The following ZFX variants were observed in gnomAD, a reference collection of about 807,000 sequenced individuals.
The protein encoded by ZFX is zinc finger X-chromosomal protein.
For missense variants in ZFX, 362 were observed against 628.3 expected (o/e 0.58, Z 4.53); for synonymous variants, 196 against 226.8 (o/e 0.86, Z 1.22).
At chrX:24,190,136 T>C (rs773862295) in intron 5 of ZFX, among the ~76,000 whole-genome samples, 1 of 111,748 alleles carries the variant, frequency 8.9e-6, no homozygotes, top group Non-Finnish European at 1.9e-5. Context: ...GTACACAACA[T>C]GATGTTTTGA....
At chrX:24,198,661 T>C (rs776895708) in intron 5 of ZFX, among the ~76,000 whole-genome samples, 1 of 111,254 alleles carries the variant, frequency 9.0e-6, no homozygotes, top group Non-Finnish European at 1.9e-5. Context: ...TTTCTTTCCC[T>C]TATAGACATT....
intron 5 of ZFX, among the ~76,000 whole-genome samples, chrX:24,181,195 T>C (rs970561390): frequency 7.1e-5 from 8 of 112,771 alleles, no homozygotes; most frequent in Admixed American, 1.9e-4. Flanking sequence ...TCTTGAGATT[T>C]TGAAAATCAA....
At position 24,179,769 on chromosome X, in the gene ZFX, C is replaced by G. The variant is rs1332117243; in HGVS notation, c.645C>G (p.Ser215=). The change falls in exon 5 of 10, where the codon TCC becomes TCG. Residue 215 remains serine, a splice_region_variant and synonymous_variant. Transcript: ENST00000304543. ...ACTGTGAGGACTACCTTATGATTTC[C>G]TGTAAGTCTTGGGGTACAGTGATTG... ...KGNCEDYLMI[S]LDDAGKIEHD... 2.5e-6 allele frequency: 3 copies of G among 1,199,517 alleles called. No homozygotes were observed. The South Asian group carries it at 5.4e-5, about 21-fold the overall frequency.
At chrX:24,189,907 C>A (rs1030851042) in intron 5 of ZFX, among the ~76,000 whole-genome samples, 3 of 111,314 alleles carry the variant, frequency 2.7e-5, no homozygotes, top group Non-Finnish European at 3.8e-5. Flanking sequence ...TATGTATGTA[C>A]CCTACCAATT....
At chrX:24,156,561 C>T (rs1932796539) in intron 3 of ZFX, among the ~76,000 whole-genome samples, 1 of 110,903 alleles carries the variant, frequency 9.0e-6, no homozygotes, top group African/African-American at 3.3e-5. Context: ...TGAGATATAT[C>T]ATATTCCCAC....
chrX:24,174,106 G>A (rs1484194715), intron 4 of ZFX, among the ~76,000 whole-genome samples: 4 of 110,138 alleles, frequency 3.6e-5, no homozygotes, highest in African/African-American at 6.6e-5. Flanking sequence ...CCAGCTACTC[G>A]GGAGGCTGAG....
rs774457469 is a variant in ZFX at position 24,206,500 on chromosome X, CGTGTGTGTGTGTGTGTGTGTGTGTGT to C, written c.647-801_647-776del. Among the ~76,000 whole-genome samples the C allele has an allele frequency of 3.2e-4, 19 of 59,598 alleles. No homozygotes were observed. The East Asian group carries it at 5.0e-3, about 16-fold the overall frequency. 51.8% of individuals were successfully genotyped at this position (59,598 alleles called of 115,157 possible). ...TACAGGCGCATGCCACCATGCCTGG[CGTGTGTGTGTGTGTGTGTGTGTGTGT>C]GTGTGTGTGTGTGTGTGTGTGTGTA... On this transcript the variant is annotated intron_variant, in intron 5 of 9. Transcript: ENST00000304543.
chrX:24,150,391 G>A (rs1178989163), intron 1 of ZFX: 2 of 111,830 alleles, frequency 1.8e-5, no homozygotes, highest in African/African-American at 6.5e-5. Context: ...GGCGGCGTGT[G>A]CGCGCGGAGG....
chrX:24,178,831 T>A (rs1935416555), intron 4 of ZFX, among the ~76,000 whole-genome samples: 1 of 111,877 alleles, frequency 8.9e-6, no homozygotes, highest in Non-Finnish European at 1.9e-5. Context: ...CTGCCCACCT[T>A]GGCTTCCCAA....
intron 4 of ZFX, among the ~76,000 whole-genome samples, chrX:24,178,312 G>A (rs1601873088): frequency 1.1e-5 from 1 of 92,023 alleles, no homozygotes; most frequent in Non-Finnish European, 2.2e-5. Context: ...TTTTTGAGAC[G>A]GAGTCTCACT....
In ZFX at chrX:24,197,125, G is replaced by T. The variant is rs768738408; in HGVS notation, c.647-10201G>T. On this transcript the variant is annotated intron_variant, in intron 5 of 9. Coordinates refer to ENST00000304543, the MANE Select transcript of ZFX (RefSeq NM_003410.4). Reference sequence around the variant, plus strand: ...TCATCAAAGAAAGTTCTGTTGGTTAGCACTGATCTGCAGGCTCAGTGAAAT... The same window carrying T: ...TCATCAAAGAAAGTTCTGTTGGTTATCACTGATCTGCAGGCTCAGTGAAAT... 5.4e-5 allele frequency among the ~76,000 whole-genome samples: 6 copies of T among 112,095 alleles called. No homozygotes were observed. The East Asian group carries it at 1.7e-3, about 31-fold the overall frequency.
At chrX:24,208,866 C>A (rs763841856) in intron 8 of ZFX, 34 bp from the exon 9 acceptor site, 1 of 1,154,065 alleles carries the variant, frequency 8.7e-7, no homozygotes, top group Admixed American at 2.3e-5. Flanking sequence ...ATTTATAATA[C>A]TGTATAATTT....
chrX:24,170,395 G>A (rs1273127459), intron 3 of ZFX, among the ~76,000 whole-genome samples: 2 of 109,318 alleles, frequency 1.8e-5, no homozygotes, highest in Non-Finnish European at 3.8e-5. Flanking sequence ...GACCTCAGGT[G>A]ATCCACCCGT....
intron 3 of ZFX, among the ~76,000 whole-genome samples, chrX:24,154,901 C>T (rs1932639380): frequency 9.0e-6 from 1 of 111,166 alleles, no homozygotes; most frequent in African/African-American, 3.3e-5. Context: ...AACCAAATAC[C>T]GAATATTCTC....
At chrX:24,176,886 A>G (rs1052000459) in intron 4 of ZFX, among the ~76,000 whole-genome samples, 7 of 111,827 alleles carry the variant, frequency 6.3e-5, no homozygotes, top group Non-Finnish European at 1.3e-4. Context: ...AAGACTTATA[A>G]AACTTTCTTT....
intron 5 of ZFX, among the ~76,000 whole-genome samples, chrX:24,199,339 C>T (rs964984794): frequency 8.2e-5 from 9 of 109,476 alleles, no homozygotes; most frequent in African/African-American, 2.7e-4. Flanking sequence ...ACTGCAGCCT[C>T]GACCTCCCAG....
chrX:24,179,783 G>C lies in ZFX; in HGVS notation c.646+13G>C. 1 of 1,175,314 alleles carries C rather than the reference G, an allele frequency of 8.5e-7. No individual in the cohort carries two copies. The highest frequency in any genetic ancestry group is 1.1e-6 in the Non-Finnish European group (1 of 876,830). On this transcript the variant is annotated intron_variant, in intron 5 of 9. Transcript: ENST00000304543. ...CTTATGATTTCCTGTAAGTCTTGGG[G>C]TACAGTGATTGTCAAAGGTGTTTTT...
At chrX:24,200,815 C>T (rs1434421839) in intron 5 of ZFX, among the ~76,000 whole-genome samples, 1 of 111,968 alleles carries the variant, frequency 8.9e-6, no homozygotes, top group East Asian at 2.8e-4. Flanking sequence ...AATCACATGC[C>T]ATTTCAGAGC....
chrX:24,176,727 CA>C, intron 4 of ZFX, among the ~76,000 whole-genome samples: 1 of 110,778 alleles, frequency 9.0e-6, no homozygotes, highest in Middle Eastern at 4.6e-3. Context: ...GCCACCACGC[CA>C]GACCTGATCA....
Sources: allele counts gnomAD v4.1 joint callset (sites outside exome capture counted in the v4.1 genomes callset), GRCh38; gene constraint gnomAD v4.1.1; transcripts MANE v1.5; gene names NCBI Gene and HGNC (gene_info 2026-07-23, HGNC 2026-07-21).